Variants in PCDHA5 observed in about 807,000 individuals in gnomAD.
PCDHA5 encodes the protein protocadherin alpha 5, also known as protocadherin alpha-5.
In PCDHA5, 43 loss-of-function variants were observed where a neutral mutation model predicts 61.6. That is an observed-to-expected ratio of 0.70 (90% confidence interval 0.55 to 0.90). The LOEUF is 0.90. Ranked by LOEUF, PCDHA5 falls within the 40% of genes least tolerant of loss-of-function variation. The pLI, the probability that PCDHA5 is intolerant of heterozygous loss-of-function variation, is 0.00. For synonymous variants in PCDHA5, 627 were observed against 543.9 expected, an observed-to-expected ratio of 1.15 and a Z score of -2.13; for missense variants, 1,298 against 1,222.7, an observed-to-expected ratio of 1.06 and a Z score of -0.92.
At chr5:141,002,807 C>T (rs1297773193) in intron 3 of PCDHA5, among the ~76,000 whole-genome samples, 1 of 152,152 alleles carries the variant, frequency 6.6e-6, no homozygotes, top group Non-Finnish European at 1.5e-5. Flanking sequence ...GAAACTGAGG[C>T]TCAGAGATAT....
At chr5:140,912,174 A>G (rs2075803513) in intron 1 of PCDHA5, among the ~76,000 whole-genome samples, 1 of 152,166 alleles carries the variant, frequency 6.6e-6, no homozygotes, top group Non-Finnish European at 1.5e-5. Flanking sequence ...CTGTGCTGGC[A>G]GCTGATTAGA....
intron 1 of PCDHA5, among the ~76,000 whole-genome samples, chr5:140,916,911 GA>G (rs2077779129): frequency 1.3e-5 from 2 of 152,178 alleles, no homozygotes; most frequent in Admixed American, 1.3e-4. Context: ...AGTTTACCTA[GA>G]ACCTCAGAGC....
At chr5:140,895,922 T>G (rs1301725770) in intron 1 of PCDHA5, among the ~76,000 whole-genome samples, 1 of 152,190 alleles carries the variant, frequency 6.6e-6, no homozygotes, top group African/African-American at 2.4e-5. Context: ...ACAATTATCC[T>G]GCCTCAGCCT....
At chr5:140,836,364 G>A (rs1774415317) in intron 1 of PCDHA5, 1 of 1,613,596 alleles carries the variant, frequency 6.2e-7, no homozygotes, top group Admixed American at 1.7e-5. Context: ...CTCGCTGACA[G>A]CCACAGCCAC....
chr5:140,990,342 C>A (rs2097389388), intron 3 of PCDHA5, among the ~76,000 whole-genome samples: 1 of 152,124 alleles, frequency 6.6e-6, no homozygotes, highest in Non-Finnish European at 1.5e-5. Flanking sequence ...TAAGTAAAGC[C>A]TGCCCTGTAC....
At chr5:140,964,417 C>T (rs1279243450) in intron 1 of PCDHA5, among the ~76,000 whole-genome samples, 15 of 152,088 alleles carry the variant, frequency 9.9e-5, no homozygotes, top group Admixed American at 9.8e-4. Context: ...TGGGGGCTTC[C>T]ATTAAAAAAT....
At chr5:140,925,966 A>G (rs782294082) in intron 1 of PCDHA5, among the ~76,000 whole-genome samples, 2 of 149,366 alleles carry the variant, frequency 1.3e-5, no homozygotes, top group Non-Finnish European at 3.0e-5. Flanking sequence ...CTATCACGCA[A>G]AAAAAAAGCC....
intron 1 of PCDHA5, chr5:140,847,531 C>G (rs1562439566): frequency 6.7e-6 from 1 of 149,400 alleles, no homozygotes. Context: ...GGAAAAGAAT[C>G]TCAAGCATAG....
At chr5:140,997,466 T>G (rs2097771241) in intron 3 of PCDHA5, among the ~76,000 whole-genome samples, 2 of 152,186 alleles carry the variant, frequency 1.3e-5, no homozygotes, top group Admixed American at 1.3e-4. Context: ...CTGTAGGCAA[T>G]TTTTACACAA....
chr5:140,939,034 A>T (rs1367274051), intron 1 of PCDHA5, among the ~76,000 whole-genome samples: 1 of 152,216 alleles, frequency 6.6e-6, no homozygotes, highest in Non-Finnish European at 1.5e-5. Context: ...TATTCGGAAG[A>T]GTTGTCTTAG....
At chr5:140,899,702 G>A (rs2067498720) in intron 1 of PCDHA5, among the ~76,000 whole-genome samples, 1 of 152,228 alleles carries the variant, frequency 6.6e-6, no homozygotes, top group African/African-American at 2.4e-5. Flanking sequence ...CATAAAATGA[G>A]TTAGGGAGGA....
chr5:140,904,940 A>G (rs368833420), intron 1 of PCDHA5, among the ~76,000 whole-genome samples: 1 of 152,136 alleles, frequency 6.6e-6, no homozygotes, highest in African/African-American at 2.4e-5. Context: ...TCTGGATATT[A>G]GTCCTTTGTC....
chr5:140,830,576 T>G, intron 1 of PCDHA5: 3 of 821,498 alleles, frequency 3.7e-6, no homozygotes, highest in Non-Finnish European at 5.1e-6. Flanking sequence ...TGTTTTTAAT[T>G]TTTAATTAAT....
At chr5:140,836,002 C>T in intron 1 of PCDHA5, 4 of 1,613,242 alleles carry the variant, frequency 2.5e-6, no homozygotes, top group Non-Finnish European at 2.5e-6. Flanking sequence ...GCGCGCGATG[C>T]GGGCGTGCCG....
intron 1 of PCDHA5, among the ~76,000 whole-genome samples, chr5:140,925,685 G>A (rs1584406507): frequency 7.3e-6 from 1 of 137,694 alleles, no homozygotes; most frequent in South Asian, 2.3e-4. Flanking sequence ...ATAAAGCGAG[G>A]GTGGGTATCT....
chr5:140,946,219 G>T (rs2093905754), intron 1 of PCDHA5, among the ~76,000 whole-genome samples: 1 of 151,856 alleles, frequency 6.6e-6, no homozygotes, highest in African/African-American at 2.4e-5. Context: ...TGACCAACAG[G>T]TATACTAAAA....
intron 1 of PCDHA5, chr5:140,851,477 T>A: frequency 1.1e-6 from 1 of 890,896 alleles, no homozygotes; most frequent in Non-Finnish European, 1.4e-6. Flanking sequence ...ATAAATGTTA[T>A]AAACACAGCC....
At chr5:140,837,616 C>T (rs2150277416) in intron 1 of PCDHA5, among the ~76,000 whole-genome samples, 6 of 143,768 alleles carry the variant, frequency 4.2e-5, no homozygotes, top group African/African-American at 1.6e-4. Flanking sequence ...ATAATTTGCC[C>T]CTTCCTTCCT....
chr5:140,987,790 A>AT (rs1409478213), intron 3 of PCDHA5, among the ~76,000 whole-genome samples: 3 of 152,100 alleles, frequency 2.0e-5, no homozygotes, highest in Admixed American at 6.6e-5. Context: ...TATAGAGAAG[A>AT]TTTTTTTAAA....
Sources: gnomAD v4.1 joint callset for allele counts (sites outside exome capture counted in the v4.1 genomes callset) on GRCh38, gnomAD v4.1.1 for gene constraint, MANE v1.5 for transcripts, NCBI Gene and HGNC (gene_info 2026-07-23, HGNC 2026-07-21) for gene names.